The following TTC21B variants were observed in gnomAD, a reference collection of about 807,000 sequenced individuals.
TTC21B encodes tetratricopeptide repeat protein 21B.
TTC21B carries 127 observed loss-of-function variants against 175.1 expected under a neutral mutation model. The observed-to-expected ratio is 0.73, with a 90% CI of 0.63 to 0.84. The LOEUF is 0.84. Among genes scored for constraint, TTC21B ranks in the 40% least tolerant of loss-of-function variants. The pLI is 0.00. For synonymous variants in TTC21B, 524 were observed against 524.5 expected (o/e 1.00, Z 0.01); for missense variants, 1,561 against 1,558.3 (o/e 1.00, Z -0.03).
intron 4 of TTC21B, among the ~76,000 whole-genome samples, chr2:165,945,034 C>A (rs1166950830): frequency 6.6e-6 from 1 of 152,204 alleles, no homozygotes; most frequent in African/African-American, 2.4e-5. Context: ...TTCTTGCATA[C>A]TTTAATCACA....
At chr2:165,926,157 T>A (rs781550661) in intron 11 of TTC21B, among the ~76,000 whole-genome samples, 52 of 152,338 alleles carry the variant, frequency 3.4e-4, no homozygotes, top group Admixed American at 1.0e-3. Flanking sequence ...CTGATTACTT[T>A]CTATCATGCT....
Position 165,949,664 on chromosome 2 carries a change from C to T in TTC21B, c.82G>A (p.Glu28Lys). ...TCACTTCCATACCTCTTAATTCCTT[C>T]ACTGGCAACCAGTAATACATGATGG... ...YFHHVLLVAS[E>K]GIKRYGSDPV... The change falls in exon 2 of 29, where the codon GAA (glutamate) becomes AAA (lysine). Residue 28 changes from glutamate (E) to lysine (K), a missense_variant. Physicochemically the swap from Glu to Lys is moderately conservative, Grantham distance 56. Coordinates refer to ENST00000243344, the MANE Select transcript of TTC21B (RefSeq NM_024753.5). 1 of 1,613,198 alleles carries T rather than the reference C, an allele frequency of 6.2e-7. No homozygotes were observed. Among genetic ancestry groups the T allele is most frequent in the Non-Finnish European group, 8.5e-7 (1 of 1,179,582 alleles).
chr2:165,945,432 A>G (rs1687518065), intron 4 of TTC21B, 92 bp downstream of exon 4: 1 of 1,246,766 alleles, frequency 8.0e-7, no homozygotes, highest in Admixed American at 2.0e-5. Flanking sequence ...AGAGTGAACA[A>G]TAATAAAGAG....
At chr2:165,877,448 T>C (rs1468908069) in intron 27 of TTC21B, among the ~76,000 whole-genome samples, 1 of 152,214 alleles carries the variant, frequency 6.6e-6, no homozygotes, top group Non-Finnish European at 1.5e-5. Context: ...TACTGTATTT[T>C]TGCTGTACCT....
chr2:165,922,913 G>C (rs6713602), intron 12 of TTC21B, among the ~76,000 whole-genome samples: 9 of 152,070 alleles, frequency 5.9e-5, no homozygotes, highest in East Asian at 5.8e-4. Flanking sequence ...CTGTAAAAAA[G>C]TAATGAAATA....
At chr2:165,891,124 A>G in intron 22 of TTC21B, 136 bp from the exon 23 acceptor site, 1 of 759,166 alleles carries the variant, frequency 1.3e-6, no homozygotes, top group Non-Finnish European at 2.1e-6. Flanking sequence ...GCCTCAGGGT[A>G]TAATTCCCTA....
rs1460359212 is a variant in TTC21B at position 165,911,315 on chromosome 2, A to G, written c.2461+12T>C. 2 of 1,613,774 alleles carry G rather than the reference A, an allele frequency of 1.2e-6. No homozygotes were observed. The highest frequency in any genetic ancestry group is 1.7e-5 in the Admixed American group (1 of 60,020). ...TTATCAGACTTTTTTCAAACCAGAA[A>G]GACTTTCATACCAGGTTCATGAGCC... On this transcript the variant is annotated intron_variant, in intron 18 of 28. Transcript: ENST00000243344.
intron 27 of TTC21B, among the ~76,000 whole-genome samples, chr2:165,878,679 G>A (rs541809328): frequency 7.0e-6 from 1 of 142,848 alleles, no homozygotes; most frequent in African/African-American, 2.7e-5. Context: ...GCATGAGCAC[G>A]ATTTTTTTTT....
chr2:165,892,777 G>C (rs1262503845), intron 22 of TTC21B, among the ~76,000 whole-genome samples: 1 of 152,132 alleles, frequency 6.6e-6, no homozygotes, highest in Non-Finnish European at 1.5e-5. Flanking sequence ...AACGCAAAAC[G>C]TTGATGGATA....
intron 15 of TTC21B, among the ~76,000 whole-genome samples, chr2:165,914,680 T>TGTGTGTGTGTACGTGCGCGCGCGCGC (rs1553511350): frequency 8.3e-5 from 12 of 144,226 alleles, no homozygotes; most frequent in African/African-American, 3.3e-4. Context: ...TGTGTGTGTG[T>TGTGTGTGTGTACGTGCGCGCGCGCGC]GTGTGTGTGT....
At chr2:165,879,057 G>A (rs1368074239) in intron 27 of TTC21B, among the ~76,000 whole-genome samples, 1 of 152,114 alleles carries the variant, frequency 6.6e-6, no homozygotes, top group Non-Finnish European at 1.5e-5. Context: ...CACATTGAGG[G>A]TGTTAGATGC....
At chr2:165,878,560 A>G (rs907933473) in intron 27 of TTC21B, among the ~76,000 whole-genome samples, 3 of 151,688 alleles carry the variant, frequency 2.0e-5, no homozygotes, top group African/African-American at 7.3e-5. Context: ...GTGTGTGTGT[A>G]TATATATTTA....
chr2:165,903,330 G>A (rs1168049164), intron 19 of TTC21B, among the ~76,000 whole-genome samples: 6 of 152,186 alleles, frequency 3.9e-5, no homozygotes, highest in Non-Finnish European at 1.5e-5. Flanking sequence ...GTGAAGGAAA[G>A]AGAATGAGGG....
At position 165,894,673 on chromosome 2, in the gene TTC21B, C is replaced by A. The variant is rs368550979; in HGVS notation, c.2951-3685G>T. ...CACGGCAACCTCCACCTCCCAGGTT[C>A]AAGCGATTCTCCTGCTGTGTTTTTA... On this transcript the variant is annotated intron_variant, in intron 22 of 28. Coordinates refer to ENST00000243344, the MANE Select transcript of TTC21B (RefSeq NM_024753.5). Among the ~76,000 whole-genome samples the A allele has an allele frequency of 1.8e-4, 27 of 152,254 alleles. 1 individual carries two copies. The highest frequency in any genetic ancestry group is 6.5e-4 in the African/African-American group (27 of 41,554).
intron 21 of TTC21B, among the ~76,000 whole-genome samples, chr2:165,899,328 T>C (rs1177703015): frequency 2.6e-5 from 4 of 152,046 alleles, no homozygotes; most frequent in African/African-American, 9.7e-5. Context: ...CACGTAAAAA[T>C]AAGAAAAAAT....
intron 27 of TTC21B, among the ~76,000 whole-genome samples, chr2:165,877,229 G>A (rs1224596835): frequency 1.3e-5 from 2 of 152,126 alleles, no homozygotes; most frequent in East Asian, 3.8e-4. Flanking sequence ...TGTAAATAGT[G>A]CTCTTCAGCT....
rs117467694 is a variant in TTC21B, at chr2:165,950,776, T to A, written c.22-1052A>T. On this transcript the variant is annotated intron_variant, in intron 1 of 28. Coordinates refer to ENST00000243344, the MANE Select transcript of TTC21B (RefSeq NM_024753.5). ...GCACACCCCACCGCACCTGGCTAAT[T>A]TTTGTATTTTTAAGTAGAGATGGGG... Among the ~76,000 whole-genome samples, 1,073 of 152,196 alleles carry A rather than the reference T, an allele frequency of 7.1e-3. 40 individuals carry two copies. In the East Asian group the frequency reaches 0.085, roughly 12 times the overall value.
chr2:165,938,904 A>C (rs1322045748), intron 6 of TTC21B, among the ~76,000 whole-genome samples: 2 of 152,182 alleles, frequency 1.3e-5, no homozygotes, highest in Non-Finnish European at 2.9e-5. Context: ...ACAATATTTG[A>C]GACTATTGGT....
intron 11 of TTC21B, 63 bp from the exon 12 acceptor site, chr2:165,924,741 C>T (rs1686564705): frequency 6.6e-7 from 1 of 1,515,654 alleles, no homozygotes; most frequent in Non-Finnish European, 8.9e-7. Context: ...CTAAAATAAA[C>T]ATATATTAAT....
Sources: allele counts gnomAD v4.1 joint callset (sites outside exome capture counted in the v4.1 genomes callset), GRCh38; gene constraint gnomAD v4.1.1; transcripts MANE v1.5; gene names NCBI Gene and HGNC (gene_info 2026-07-23, HGNC 2026-07-21).